PPP2R5E: variants seen among roughly 807,000 people sequenced by gnomAD.
PPP2R5E encodes the protein protein phosphatase 2 regulatory subunit B'epsilon.
Under a neutral mutation model 65.3 loss-of-function variants are expected in PPP2R5E, and 4 were observed. That is an observed-to-expected ratio of 0.06 (90% CI 0.03 to 0.14). PPP2R5E has a LOEUF of 0.14. Among genes scored for constraint, PPP2R5E ranks in the 10% least tolerant of loss-of-function variants. The pLI, the probability that PPP2R5E is intolerant of heterozygous loss-of-function variation, is 1.00. For missense variants in PPP2R5E, 274 were observed against 556.1 expected, an observed-to-expected ratio of 0.49 and a Z score of 5.10; for synonymous variants, 183 against 187.4, an observed-to-expected ratio of 0.98 and a Z score of 0.19.
intron 2 of PPP2R5E, among the ~76,000 whole-genome samples, chr14:63,457,533 T>C (rs1249581093): frequency 6.6e-6 from 1 of 152,022 alleles, no homozygotes; most frequent in Non-Finnish European, 1.5e-5. Flanking sequence ...TTACAGTCAT[T>C]AAGAAATAAA....
intron 7 of PPP2R5E, 128 bp from the exon 8 acceptor site, chr14:63,394,056 G>T: frequency 2.3e-6 from 1 of 435,444 alleles, no homozygotes; most frequent in Non-Finnish European, 4.1e-6. Context: ...CACCCCAGTG[G>T]CATTCAGAAT....
chr14:63,540,127 C>CT (rs1893829922), intron 1 of PPP2R5E, among the ~76,000 whole-genome samples: 1 of 138,956 alleles, frequency 7.2e-6, no homozygotes, highest in Admixed American at 7.3e-5. Context: ...AGATTCCGTC[C>CT]TTTAAAAAAA....
chr14:63,397,865 C>A (rs954363839), intron 5 of PPP2R5E, among the ~76,000 whole-genome samples: 6 of 151,712 alleles, frequency 4.0e-5, no homozygotes, highest in African/African-American at 1.5e-4. Flanking sequence ...GTAGCTGGGA[C>A]TAAAGGCACC....
chr14:63,469,926 A>C (rs749673442), intron 2 of PPP2R5E, among the ~76,000 whole-genome samples: 1 of 152,214 alleles, frequency 6.6e-6, no homozygotes, highest in Non-Finnish European at 1.5e-5. Context: ...ACGTGTAAAA[A>C]CAACTTCACT....
intron 2 of PPP2R5E, among the ~76,000 whole-genome samples, chr14:63,535,923 T>G (rs1211857312): frequency 6.6e-6 from 1 of 152,248 alleles, no homozygotes; most frequent in Non-Finnish European, 1.5e-5. Context: ...TTCTTTATAT[T>G]CCATAAATTA....
chr14:63,401,953 G>C (rs1055461751), intron 5 of PPP2R5E, among the ~76,000 whole-genome samples: 7 of 151,798 alleles, frequency 4.6e-5, no homozygotes, highest in Non-Finnish European at 8.8e-5. Context: ...AAAAACAGGA[G>C]GACTGGTTGA....
intron 2 of PPP2R5E, among the ~76,000 whole-genome samples, chr14:63,500,403 C>T (rs1317439366): frequency 6.6e-6 from 1 of 152,116 alleles, no homozygotes; most frequent in Non-Finnish European, 1.5e-5. Flanking sequence ...GTTCTTTTTA[C>T]CAGCTAAGTC....
At chr14:63,450,064 T>G (rs1181744596) in intron 3 of PPP2R5E, among the ~76,000 whole-genome samples, 1 of 151,988 alleles carries the variant, frequency 6.6e-6, no homozygotes, top group Non-Finnish European at 1.5e-5. Context: ...TTAGTACAGA[T>G]GGGCTTTCAC....
intron 2 of PPP2R5E, among the ~76,000 whole-genome samples, chr14:63,488,378 C>A (rs530907565): frequency 6.6e-6 from 1 of 152,022 alleles, no homozygotes. Flanking sequence ...TTGTTTTATT[C>A]TTTTTGTAGA....
intron 12 of PPP2R5E, 34 bp downstream of exon 12, chr14:63,384,410 G>A (rs368005629): frequency 5.0e-6 from 8 of 1,593,520 alleles, no homozygotes; most frequent in Non-Finnish European, 6.0e-6. Flanking sequence ...GAGGAAGGGA[G>A]GAAGAGAACG....
chr14:63,465,504 T>C (rs1889751042), intron 2 of PPP2R5E, among the ~76,000 whole-genome samples: 1 of 148,174 alleles, frequency 6.7e-6, no homozygotes, highest in Non-Finnish European at 1.5e-5. Flanking sequence ...GCCAGGCCTG[T>C]AGTCTCAGCT....
Position 63,374,668 on chromosome 14 carries a change from T to TATATATATATATAA in PPP2R5E, c.*1340_*1341insTTATATATATATAT, listed in dbSNP as rs1446866059. ...ATATATATATATATATATATATATA[T>TATATATATATATAA]AAAATACAGCCCTAGATTTTGTTTT... On this transcript the variant is annotated 3_prime_UTR_variant, in exon 14 of 14. Transcript: ENST00000337537. 23 of 119,270 alleles carry TATATATATATATAA rather than the reference T, an allele frequency of 1.9e-4. No homozygotes were observed. The highest frequency in any genetic ancestry group is 7.3e-4 in the African/African-American group (23 of 31,452). 7.4% of individuals were successfully genotyped at this position (119,270 alleles called of 1,614,324 possible). A position where few individuals can be genotyped will look rare whatever the true frequency, so the allele number is the denominator to read the frequency against.
intron 2 of PPP2R5E, among the ~76,000 whole-genome samples, chr14:63,509,194 C>A (rs960169043): frequency 6.6e-6 from 1 of 151,762 alleles, no homozygotes; most frequent in Non-Finnish European, 1.5e-5. Context: ...GGGACTCATA[C>A]CCCAGTTGTA....
intron 2 of PPP2R5E, among the ~76,000 whole-genome samples, chr14:63,490,357 T>C (rs1484964875): frequency 6.6e-6 from 1 of 152,128 alleles, no homozygotes; most frequent in East Asian, 1.9e-4. Context: ...AATATCATTC[T>C]GGAATGCAAT....
At chr14:63,488,955 AC>A (rs1394317517) in intron 2 of PPP2R5E, among the ~76,000 whole-genome samples, 3 of 151,972 alleles carry the variant, frequency 2.0e-5, no homozygotes, top group African/African-American at 7.2e-5. Flanking sequence ...CAACTACATG[AC>A]CAAAAAGACC....
intron 2 of PPP2R5E, among the ~76,000 whole-genome samples, chr14:63,514,071 C>T (rs924200035): frequency 2.0e-5 from 3 of 152,142 alleles, no homozygotes; most frequent in Non-Finnish European, 2.9e-5. Context: ...AGTCTAAGCC[C>T]CAGATATGAC....
At chr14:63,464,027 A>G (rs1157080975) in intron 2 of PPP2R5E, among the ~76,000 whole-genome samples, 2 of 152,218 alleles carry the variant, frequency 1.3e-5, no homozygotes, top group Non-Finnish European at 2.9e-5. Context: ...TAGCAAAATA[A>G]CCCGAAAATT....
intron 2 of PPP2R5E, among the ~76,000 whole-genome samples, chr14:63,507,085 G>C (rs752432578): frequency 6.6e-6 from 1 of 152,172 alleles, no homozygotes; most frequent in Admixed American, 6.5e-5. Context: ...CCCAGCCTGG[G>C]ACAAGAGTAT....
intron 2 of PPP2R5E, among the ~76,000 whole-genome samples, chr14:63,539,214 C>T (rs987499550): frequency 2.0e-5 from 3 of 152,062 alleles, no homozygotes; most frequent in Admixed American, 6.6e-5. Context: ...ATAATGTATC[C>T]CTAAACGTCA....
Sources: gnomAD v4.1 joint callset for allele counts (sites outside exome capture counted in the v4.1 genomes callset) on GRCh38, gnomAD v4.1.1 for gene constraint, MANE v1.5 for transcripts, NCBI Gene and HGNC (gene_info 2026-07-23, HGNC 2026-07-21) for gene names.